Variants in CLDN14 observed in about 807,000 individuals in gnomAD.
The protein encoded by CLDN14 is claudin 14.
In CLDN14, 2 loss-of-function variants were observed where a neutral mutation model predicts 2.1. The ratio of observed to expected loss-of-function variants is 0.96; its 90% CI spans 0.39 to 3.01. The LOEUF (loss-of-function observed/expected upper bound fraction) is 3.01. Ranked by LOEUF, CLDN14 falls within the 30% of genes most tolerant of loss-of-function variation. The probability of loss-of-function intolerance (pLI) is 0.09; values close to 1 mark genes in which losing one functional copy is unlikely to be tolerated. For synonymous variants in CLDN14, 136 were observed against 154.4 expected, an observed-to-expected ratio of 0.88 and a Z score of 0.88; for missense variants, 298 against 328.0, an observed-to-expected ratio of 0.91 and a Z score of 0.71.
chr21:36,498,356 TA>T lies in CLDN14; in HGVS notation c.-82+12006del, dbSNP rs972895425. ...GTGAGTGGAAAGAGAAGAAAAAAAGTAAAATAATAATACTAATAATGCCTTT... is the reference window on the plus strand; with the variant it reads ...GTGAGTGGAAAGAGAAGAAAAAAAGTAAATAATAATACTAATAATGCCTTT... On this transcript the variant is annotated intron_variant, in intron 2 of 2. Coordinates refer to the CLDN14 transcript ENST00000342108. This position sits in a 1 kb window ranked among gnomAD's most constrained non-coding sequence, Gnocchi z 4.9. 1.4e-4 allele frequency among the ~76,000 whole-genome samples: 22 copies of T among 152,210 alleles called. No individual in the cohort carries two copies. Among genetic ancestry groups the T allele is most frequent in the Non-Finnish European group, 1.5e-5 (1 of 67,992 alleles).
intron 1 of CLDN14, among the ~76,000 whole-genome samples, chr21:36,528,945 T>C (rs2087357855): frequency 6.6e-6 from 1 of 152,152 alleles, no homozygotes; most frequent in East Asian, 1.9e-4. Flanking sequence ...GCTGACAGCA[T>C]TCAGCAGCAG....
chr21:36,531,524 C>A (rs1428703018), intron 1 of CLDN14, among the ~76,000 whole-genome samples: 3 of 151,818 alleles, frequency 2.0e-5, no homozygotes, highest in Admixed American at 6.6e-5. Flanking sequence ...CTCAGCCTCC[C>A]AGAGTACTAA....
intron 1 of CLDN14, among the ~76,000 whole-genome samples, chr21:36,518,531 G>A (rs890321033): frequency 6.6e-6 from 1 of 152,140 alleles, no homozygotes; most frequent in East Asian, 1.9e-4. Flanking sequence ...TCTGGGAGGC[G>A]GCGGTTGTAG....
intron 1 of CLDN14, among the ~76,000 whole-genome samples, chr21:36,516,066 G>A (rs1220389357): frequency 6.6e-6 from 1 of 152,058 alleles, no homozygotes; most frequent in Non-Finnish European, 1.5e-5. Flanking sequence ...GGGATTACAG[G>A]TGTGAGCCAC....
At chr21:36,547,530 G>A (rs1004108257) in intron 1 of CLDN14, among the ~76,000 whole-genome samples, 4 of 152,160 alleles carry the variant, frequency 2.6e-5, no homozygotes, top group Admixed American at 1.3e-4. Flanking sequence ...AGCAGCGCCC[G>A]GGCCATTAAG....
chr21:36,536,290 A>G (rs1467879884), intron 1 of CLDN14, among the ~76,000 whole-genome samples: 1 of 152,226 alleles, frequency 6.6e-6, no homozygotes, highest in East Asian at 1.9e-4. Context: ...GACTGAGGAC[A>G]AGAGTGGGAG....
At chr21:36,471,550 G>A (rs879297820) in intron 1 of CLDN14, among the ~76,000 whole-genome samples, 2 of 152,278 alleles carry the variant, frequency 1.3e-5, no homozygotes, top group East Asian at 3.9e-4. Flanking sequence ...AACATGTCTT[G>A]ATTTCATAGA....
rs753109373 is a variant in CLDN14, at chr21:36,498,292, C to T, written c.-82+12071G>A. ...CTGGGATTATAGACATGAGCCACTG[C>T]GCCCAGACAGGAAGATGCGTTTGTG... On this transcript the variant is annotated intron_variant, in intron 2 of 2. Transcript: ENST00000342108. The surrounding 1 kb of genome is among the most constrained non-coding windows in gnomAD (Gnocchi z 4.9). Among the ~76,000 whole-genome samples, 27 of 152,046 alleles carry T rather than the reference C, an allele frequency of 1.8e-4. No individual in the cohort carries two copies. The highest frequency in any genetic ancestry group is 3.9e-4 in the East Asian group (2 of 5,178).
intron 1 of CLDN14, among the ~76,000 whole-genome samples, chr21:36,545,435 G>A (rs2087520075): frequency 6.6e-6 from 1 of 152,106 alleles, no homozygotes; most frequent in Admixed American, 6.5e-5. Flanking sequence ...AGGCAAGGGA[G>A]TCCCTTAGCC....
chr21:36,572,394 C>CCA (rs111575490), intron 1 of CLDN14, among the ~76,000 whole-genome samples: 2 of 151,118 alleles, frequency 1.3e-5, no homozygotes, highest in Non-Finnish European at 3.0e-5. Context: ...CTTCCCTCTG[C>CCA]GGAGTCCAGG....
chr21:36,489,084 T>C (rs2086930422), intron 2 of CLDN14, among the ~76,000 whole-genome samples: 1 of 130,560 alleles, frequency 7.7e-6, no homozygotes, highest in Admixed American at 8.8e-5. Context: ...CACTCCAGCC[T>C]GGGCAACAGA....
At chr21:36,474,473 G>C (rs1002014009) in intron 1 of CLDN14, among the ~76,000 whole-genome samples, 2 of 152,272 alleles carry the variant, frequency 1.3e-5, no homozygotes, top group Middle Eastern at 6.8e-3. Context: ...AAAATATTTT[G>C]ATAACTATGT....
chr21:36,494,213 C>G (rs1039811020), intron 2 of CLDN14, among the ~76,000 whole-genome samples: 6 of 152,088 alleles, frequency 3.9e-5, no homozygotes, highest in Non-Finnish European at 2.9e-5. Flanking sequence ...GCACACTGGT[C>G]GCCATGTAGG....
chr21:36,498,712 G>C lies in CLDN14; in HGVS notation c.-82+11651C>G, dbSNP rs771943966. 6.6e-6 allele frequency among the ~76,000 whole-genome samples: 1 copy of C among 152,140 alleles called. No individual in the cohort carries two copies. The highest frequency in any genetic ancestry group is 1.5e-5 in the Non-Finnish European group (1 of 68,014). Reference sequence around the variant, plus strand: ...CAGACAGCAGCCTACAGAAAGGTGGGGGCACCTCTCAGCTGGCCTTCAGCT... The same window carrying C: ...CAGACAGCAGCCTACAGAAAGGTGGCGGCACCTCTCAGCTGGCCTTCAGCT... On this transcript the variant is annotated intron_variant, in intron 2 of 2. Transcript: ENST00000342108. This position sits in a 1 kb window ranked among gnomAD's most constrained non-coding sequence, Gnocchi z 4.9.
At chr21:36,529,806 T>G (rs2087365162) in intron 1 of CLDN14, among the ~76,000 whole-genome samples, 1 of 152,248 alleles carries the variant, frequency 6.6e-6, no homozygotes, top group Non-Finnish European at 1.5e-5. Flanking sequence ...TTTGTTAGTC[T>G]AAAAATTAAT....
At chr21:36,484,545 G>C (rs1010494614), upstream of CLDN14, among the ~76,000 whole-genome samples, 4 of 152,174 alleles carry the variant, frequency 2.6e-5, no homozygotes, top group Admixed American at 1.3e-4. Flanking sequence ...GCCTCCTCCA[G>C]CTTCTGGTGG....
intron 1 of CLDN14, among the ~76,000 whole-genome samples, chr21:36,530,957 G>C (rs2087374642): frequency 6.6e-6 from 1 of 152,234 alleles, no homozygotes; most frequent in South Asian, 2.1e-4. Context: ...TAACCGAGGT[G>C]AAGTGGCTCA....
intron 2 of CLDN14, among the ~76,000 whole-genome samples, chr21:36,508,781 G>A (rs897867978): frequency 1.3e-5 from 2 of 152,238 alleles, no homozygotes; most frequent in African/African-American, 4.8e-5. Context: ...AGAGACAATG[G>A]TCTTTTTAGC....
Position 36,569,965 on chromosome 21 carries a change from G to C in CLDN14, c.-220+6446C>G, listed in dbSNP as rs925824106. ...CAAGTTTAAGGACACACCTGTGACA[G>C]AGCCTCAGGAGGTCCTGATGACATG... On this transcript the variant is annotated intron_variant, in intron 1 of 2. Coordinates refer to the CLDN14 transcript ENST00000342108. Among the ~76,000 whole-genome samples, 3 of 152,230 alleles carry C rather than the reference G, an allele frequency of 2.0e-5. No individual in the cohort carries two copies. The East Asian group carries it at 5.8e-4, about 29-fold the overall frequency.
Sources: gnomAD v4.1 joint callset for allele counts (sites outside exome capture counted in the v4.1 genomes callset) on GRCh38, gnomAD v4.1.1 for gene constraint, Gnocchi (gnomAD v3.1) non-coding constraint, MANE v1.5 for transcripts, NCBI Gene and HGNC (gene_info 2026-07-23, HGNC 2026-07-21) for gene names.